Variants in VPS13B observed in about 807,000 individuals in gnomAD.
VPS13B encodes the protein intermembrane lipid transfer protein VPS13B.
A neutral mutation model predicts 426.4 loss-of-function variants in VPS13B; 285 were observed. That is an observed-to-expected ratio of 0.67 (90% CI 0.61 to 0.74). The LOEUF (loss-of-function observed/expected upper bound fraction) is 0.74, where lower values mean the gene tolerates loss of function less well. Ranked by LOEUF, VPS13B falls within the 30% of genes least tolerant of loss-of-function variation. The pLI is 0.00. For synonymous variants in VPS13B, 1,676 were observed against 1,676.4 expected, an observed-to-expected ratio of 1.00 and a Z score of 0.01; for missense variants, 4,537 against 4,782.6, an observed-to-expected ratio of 0.95 and a Z score of 1.51.
At chr8:99,711,937 G>A (rs1296438817) in intron 36 of VPS13B, among the ~76,000 whole-genome samples, 1 of 152,138 alleles carries the variant, frequency 6.6e-6, no homozygotes, top group Non-Finnish European at 1.5e-5. Flanking sequence ...GAAACAATCA[G>A]AAGCATGGTA....
At chr8:99,406,324 A>G (rs1376327823) in intron 21 of VPS13B, among the ~76,000 whole-genome samples, 1 of 151,564 alleles carries the variant, frequency 6.6e-6, no homozygotes, top group Non-Finnish European at 1.5e-5. Flanking sequence ...CATTTCTGGT[A>G]TTGAGCAAAT....
At chr8:99,042,992 T>A (rs1257418044) in intron 3 of VPS13B, among the ~76,000 whole-genome samples, 16 of 152,220 alleles carry the variant, frequency 1.1e-4, no homozygotes, top group Admixed American at 1.0e-3. Context: ...TTTGAATGTC[T>A]AATTCTGATG....
At chr8:99,505,722 A>G (rs1821463368) in intron 27 of VPS13B, among the ~76,000 whole-genome samples, 1 of 152,196 alleles carries the variant, frequency 6.6e-6, no homozygotes, top group African/African-American at 2.4e-5. Flanking sequence ...AAGTCAGCAT[A>G]TATTGTTGGA....
At chr8:99,353,936 G>A (rs1332327441) in intron 19 of VPS13B, among the ~76,000 whole-genome samples, 3 of 151,986 alleles carry the variant, frequency 2.0e-5, no homozygotes, top group Non-Finnish European at 4.4e-5. Context: ...AAGCTTTATG[G>A]TATATAAATG....
In VPS13B at chr8:99,456,048, G is replaced by T. The variant is rs908663521; in HGVS notation, c.3446-11366G>T. Among the ~76,000 whole-genome samples the T allele has an allele frequency of 2.6e-5, 4 of 152,232 alleles. No homozygotes were observed. The East Asian group carries it at 5.8e-4, about 22-fold the overall frequency. ...GAAACTCCCAAATCACTTTCTAAGT[G>T]GTTATACCGTTTTACATTCTTGTGA... On this transcript the variant is annotated intron_variant, in intron 23 of 61. Coordinates refer to ENST00000357162, the MANE Select transcript of VPS13B (RefSeq NM_152564.5).
chr8:99,529,102 A>G (rs1822793150), intron 30 of VPS13B, among the ~76,000 whole-genome samples: 1 of 152,144 alleles, frequency 6.6e-6, no homozygotes, highest in South Asian at 2.1e-4. Context: ...TAAGACATTT[A>G]CATTTTTTAA....
intron 19 of VPS13B, among the ~76,000 whole-genome samples, chr8:99,286,285 TG>T (rs1452342067): frequency 6.6e-6 from 1 of 152,192 alleles, no homozygotes; most frequent in Non-Finnish European, 1.5e-5. Context: ...AATTGCTCTA[TG>T]GGGAAAAATG....
At chr8:99,357,457 AG>A (rs1408155762) in intron 19 of VPS13B, among the ~76,000 whole-genome samples, 1 of 152,160 alleles carries the variant, frequency 6.6e-6, no homozygotes, top group African/African-American at 2.4e-5. Flanking sequence ...TGTTTCTAAT[AG>A]ATCTCAAGCT....
At chr8:99,442,112 T>C (rs1817708200) in intron 22 of VPS13B, among the ~76,000 whole-genome samples, 1 of 151,958 alleles carries the variant, frequency 6.6e-6, no homozygotes, top group Non-Finnish European at 1.5e-5. Flanking sequence ...AAAGAAAGAG[T>C]GTTTTCTGAT....
In VPS13B at chr8:99,859,316, G is replaced by A. The variant is rs2130933389; in HGVS notation, c.10880G>A (p.Gly3627Glu). ...TTGTGCGTTGCAGGCTGGGTAGTTGGGTCTCTGGATATTCTTGGCAGCCCT... is the reference window on the plus strand; with the variant it reads ...TTGTGCGTTGCAGGCTGGGTAGTTGAGTCTCTGGATATTCTTGGCAGCCCT... ...GALFRAGWVVGSLDILGSPAS... is the reference protein window; with the variant it reads ...GALFRAGWVVESLDILGSPAS... The change falls in exon 57 of 62, where the codon GGG becomes GAG. Residue 3627 changes from glycine to glutamate, a missense_variant. Coordinates refer to ENST00000357162, the MANE Select transcript of VPS13B (RefSeq NM_152564.5). 6.2e-7 allele frequency: 1 copy of A among 1,613,666 alleles called. No homozygotes were observed. Among genetic ancestry groups the A allele is most frequent in the Middle Eastern group, 1.7e-4 (1 of 5,808 alleles).
intron 19 of VPS13B, among the ~76,000 whole-genome samples, chr8:99,309,594 A>G (rs1380746656): frequency 6.6e-6 from 1 of 152,142 alleles, no homozygotes; most frequent in African/African-American, 2.4e-5. Context: ...GCCTTCTAGT[A>G]TAGTTTGTAG....
chr8:99,770,359 TC>T (rs1399480418), intron 40 of VPS13B, among the ~76,000 whole-genome samples: 2 of 152,152 alleles, frequency 1.3e-5, no homozygotes, highest in African/African-American at 4.8e-5. Context: ...GGTCATGCTA[TC>T]CATTTCAGCT....
At chr8:99,555,612 C>T (rs1271787162) in intron 30 of VPS13B, among the ~76,000 whole-genome samples, 1 of 152,038 alleles carries the variant, frequency 6.6e-6, no homozygotes, top group Non-Finnish European at 1.5e-5. Flanking sequence ...AAGAAAAAAG[C>T]CCCAAATTCA....
intron 29 of VPS13B, among the ~76,000 whole-genome samples, chr8:99,514,204 A>C (rs1289410698): frequency 6.6e-6 from 1 of 152,194 alleles, no homozygotes; most frequent in Non-Finnish European, 1.5e-5. Flanking sequence ...ATAGTGATAA[A>C]TGTTTCCTTC....
At chr8:99,514,696 G>A (rs1436969416) in intron 29 of VPS13B, among the ~76,000 whole-genome samples, 1 of 152,160 alleles carries the variant, frequency 6.6e-6, no homozygotes, top group Non-Finnish European at 1.5e-5. Context: ...GGGCAGTTGG[G>A]TCATTTCCAC....
Position 99,821,049 on chromosome 8 carries a change from T to TA in VPS13B, c.8995-232dup, listed in dbSNP as rs71572044. Among the ~76,000 whole-genome samples, 42,886 of 110,156 alleles carry TA rather than the reference T, an allele frequency of 0.39. 9,139 individuals carry two copies. The highest frequency in any genetic ancestry group is 0.49 in the Admixed American group (5,216 of 10,564). 72.3% of individuals were successfully genotyped at this position (110,156 alleles called of 152,430 possible). On this transcript the variant is annotated intron_variant, in intron 49 of 61. Coordinates refer to ENST00000357162, the MANE Select transcript of VPS13B (RefSeq NM_152564.5). ...CCGTAAATACGAATTCCATTGTGAG[T>TA]AAAAAAAAAAAAATACATTGGGAGC...
At chr8:99,554,551 A>G (rs1051049129) in intron 30 of VPS13B, among the ~76,000 whole-genome samples, 5 of 148,160 alleles carry the variant, frequency 3.4e-5, no homozygotes, top group Non-Finnish European at 7.4e-5. Flanking sequence ...GCTAGATAGT[A>G]TAGATAGTTC....
chr8:99,650,313 T>TTC (rs976738073), intron 34 of VPS13B, among the ~76,000 whole-genome samples: 7 of 152,174 alleles, frequency 4.6e-5, no homozygotes, highest in African/African-American at 1.7e-4. Context: ...AGCAATGGTG[T>TTC]TCTCTCTCTG....
intron 33 of VPS13B, among the ~76,000 whole-genome samples, chr8:99,625,866 AC>A (rs202200871): frequency 7.2e-5 from 11 of 152,092 alleles, no homozygotes; most frequent in South Asian, 6.2e-4. Context: ...AACAACAACA[AC>A]AAAAAAAACC....
Sources: gnomAD v4.1 joint callset for allele counts (sites outside exome capture counted in the v4.1 genomes callset) on GRCh38, gnomAD v4.1.1 for gene constraint, MANE v1.5 for transcripts, NCBI Gene and HGNC (gene_info 2026-07-23, HGNC 2026-07-21) for gene names.